The following IL18 variants were observed in gnomAD, a reference collection of about 807,000 sequenced individuals.
IL18 encodes interleukin-18.
A neutral mutation model predicts 14.2 loss-of-function variants in IL18; 8 were observed. The observed-to-expected ratio is 0.56, with a 90% CI of 0.33 to 1.01. IL18 has a LOEUF of 1.01. IL18 is among the 50% of genes least tolerant of loss of function. The probability of loss-of-function intolerance (pLI) is 0.03; values close to 1 mark genes in which losing one functional copy is unlikely to be tolerated. For synonymous variants in IL18, 67 were observed against 71.0 expected, an observed-to-expected ratio of 0.94 and a Z score of 0.28; for missense variants, 166 against 231.1, an observed-to-expected ratio of 0.72 and a Z score of 1.83.
intron 2 of IL18, among the ~76,000 whole-genome samples, chr11:112,154,340 C>T (rs953102818): frequency 2.6e-5 from 4 of 151,960 alleles, no homozygotes; most frequent in African/African-American, 9.7e-5. Flanking sequence ...GCCTGGACAA[C>T]ATGGCAAAAC....
intron 5 of IL18, among the ~76,000 whole-genome samples, chr11:112,145,092 C>A (rs1182472156): frequency 6.8e-6 from 1 of 146,104 alleles, no homozygotes; most frequent in Non-Finnish European, 1.5e-5. Flanking sequence ...GATAGAGAAA[C>A]CTCCAAAATT....
At chr11:112,156,402 C>A (rs973826158) in intron 1 of IL18, among the ~76,000 whole-genome samples, 10 of 151,916 alleles carry the variant, frequency 6.6e-5, no homozygotes, top group Non-Finnish European at 1.3e-4. Context: ...CATCTAAGTG[C>A]GAACAGTTAT....
chr11:112,155,147 G>C, intron 1 of IL18, 86 bp from the exon 2 acceptor site: 1 of 730,432 alleles, frequency 1.4e-6, no homozygotes, highest in Non-Finnish European at 2.4e-6. Flanking sequence ...TCAGTGGTCA[G>C]TTAATCACCT....
chr11:112,162,320 G>A (rs1046073333), intron 1 of IL18, among the ~76,000 whole-genome samples: 9 of 150,316 alleles, frequency 6.0e-5, no homozygotes, highest in Admixed American at 1.3e-4. Flanking sequence ...TGAATAGAGC[G>A]ATGTTTTTTT....
At chr11:112,162,096 A>G (rs1866641965) in intron 1 of IL18, among the ~76,000 whole-genome samples, 2 of 152,228 alleles carry the variant, frequency 1.3e-5, no homozygotes, top group African/African-American at 4.8e-5. Flanking sequence ...TGAGAGTAGC[A>G]GAAAACTTAA....
intron 4 of IL18, among the ~76,000 whole-genome samples, chr11:112,149,558 G>GTTTTTTTTTT (rs561459069): frequency 5.0e-5 from 5 of 99,374 alleles, no homozygotes; most frequent in African/African-American, 7.8e-5. Flanking sequence ...CTTTTCTTAA[G>GTTTTTTTTTT]TTTTTTTTTT....
chr11:112,163,357 A>T (rs1866666376), intron 1 of IL18, among the ~76,000 whole-genome samples: 1 of 152,208 alleles, frequency 6.6e-6, no homozygotes, highest in Non-Finnish European at 1.5e-5. Flanking sequence ...TTACCACTCT[A>T]AAGCAGCAAT....
intron 1 of IL18, among the ~76,000 whole-genome samples, chr11:112,158,155 T>C (rs1263519473): frequency 6.6e-6 from 1 of 152,160 alleles, no homozygotes; most frequent in Admixed American, 6.5e-5. Flanking sequence ...CCTAATTTTG[T>C]ATTCTTTTAG....
intron 5 of IL18, among the ~76,000 whole-genome samples, chr11:112,145,132 C>A (rs1257920609): frequency 1.3e-5 from 2 of 149,022 alleles, no homozygotes; most frequent in South Asian, 2.1e-4. Flanking sequence ...CTTCAAAGAG[C>A]CTGAAAGACT....
intron 1 of IL18, among the ~76,000 whole-genome samples, chr11:112,156,590 C>T (rs979719308): frequency 1.1e-4 from 16 of 151,890 alleles, no homozygotes; most frequent in African/African-American, 2.4e-4. Flanking sequence ...ACCACAGATG[C>T]GTGCCACCAC....
intron 4 of IL18, among the ~76,000 whole-genome samples, chr11:112,149,402 C>A (rs1221707670): frequency 6.6e-6 from 1 of 151,856 alleles, no homozygotes; most frequent in Admixed American, 6.6e-5. Flanking sequence ...TTGTTTTTAA[C>A]TTTTAAATGC....
chr11:112,146,252 C>A (rs1866341119), intron 5 of IL18, among the ~76,000 whole-genome samples: 4 of 151,960 alleles, frequency 2.6e-5, no homozygotes, highest in Admixed American at 1.3e-4. Flanking sequence ...GGTTCTTGAC[C>A]AAAGAACTTT....
chr11:112,163,551 A>G (rs181523918), intron 1 of IL18, among the ~76,000 whole-genome samples: 73 of 152,320 alleles, frequency 4.8e-4, no homozygotes, highest in Admixed American at 1.1e-3. Flanking sequence ...CTATTAAACC[A>G]GTTAAAACAC....
At chr11:112,152,982 C>A (rs147386147) in intron 3 of IL18, 1 of 152,162 alleles carries the variant, frequency 6.6e-6, no homozygotes, top group East Asian at 1.9e-4. Context: ...GGTGAGAGAA[C>A]GTCTTGCTCT....
At position 112,143,646 on chromosome 11, in the gene IL18, C is replaced by T. The variant is rs267602693; in HGVS notation, c.532G>A (p.Asp178Asn). Residue 178 changes from aspartate (D) to asparagine (N), a missense_variant, in exon 6 of 6, where the codon GAT (aspartate) becomes AAT (asparagine). Asp to Asn is a conservative substitution (Grantham distance 23, BLOSUM62 1). Coordinates refer to ENST00000280357, the MANE Select transcript of IL18 (RefSeq NM_001562.4). ...ATTATAGATCTATCCCCCAATTCATCCTCTTTTTTCAAAATGAGTTTAAAA... is the reference window on the plus strand; with the variant it reads ...ATTATAGATCTATCCCCCAATTCATTCTCTTTTTTCAAAATGAGTTTAAAA... ...DLFKLILKKE[D>N]ELGDRSIMFT... 1 of 1,612,916 alleles carries T rather than the reference C, an allele frequency of 6.2e-7. No homozygotes were observed. The highest frequency in any genetic ancestry group is 1.1e-5 in the South Asian group (1 of 90,988).
chr11:112,147,116 GA>G (rs1403343970), intron 5 of IL18, among the ~76,000 whole-genome samples: 3 of 151,940 alleles, frequency 2.0e-5, no homozygotes, highest in African/African-American at 7.3e-5. Flanking sequence ...TTTTAGTAGA[GA>G]TGGGGTTTCT....
chr11:112,155,105 C>G, intron 1 of IL18, 44 bp from the exon 2 acceptor site: 2 of 1,167,558 alleles, frequency 1.7e-6, no homozygotes, highest in Non-Finnish European at 2.6e-6. Flanking sequence ...AATGATTGTA[C>G]CTTTTACTAC....
intron 4 of IL18, among the ~76,000 whole-genome samples, chr11:112,149,010 T>C (rs1441103745): frequency 6.6e-6 from 1 of 152,028 alleles, no homozygotes; most frequent in African/African-American, 2.4e-5. Context: ...AGCATGTGTG[T>C]TGTAACACAT....
intron 1 of IL18, among the ~76,000 whole-genome samples, chr11:112,163,318 G>T (rs918741598): frequency 6.6e-6 from 1 of 150,806 alleles, no homozygotes; most frequent in African/African-American, 2.4e-5. Context: ...TCTGTCTTGA[G>T]ATTCCGTTTA....
Sources: allele counts gnomAD v4.1 joint callset (sites outside exome capture counted in the v4.1 genomes callset), GRCh38; gene constraint gnomAD v4.1.1; transcripts MANE v1.5; gene names NCBI Gene and HGNC (gene_info 2026-07-23, HGNC 2026-07-21).